The following ZFAND5 variants were observed in gnomAD, a reference collection of about 807,000 sequenced individuals.
ZFAND5 encodes zinc finger AN1-type containing 5, also known as AN1-type zinc finger protein 5.
Under a neutral mutation model 23.6 loss-of-function variants are expected in ZFAND5, and 4 were observed. That is an observed-to-expected ratio of 0.17 (90% CI 0.08 to 0.39). ZFAND5 has a LOEUF of 0.39. Among genes scored for constraint, ZFAND5 ranks in the 10% least tolerant of loss-of-function variants. The pLI is 1.00. For missense variants in ZFAND5, 161 were observed against 253.7 expected (o/e 0.63, Z 2.48); for synonymous variants, 68 against 80.6 (o/e 0.84, Z 0.84).
intron 6 of ZFAND5, 107 bp from the exon 7 acceptor site, chr9:72,356,208 T>C: frequency 7.4e-7 from 1 of 1,349,050 alleles, no homozygotes; most frequent in Non-Finnish European, 1.0e-6. Context: ...CTTTGTAACA[T>C]AAAAGACAGT....
chr9:72,352,554 CTAT>C lies in ZFAND5; in HGVS notation c.*3396_*3398del, dbSNP rs1436619434. ...CAATAATAGTATGCTTAACATCTTG[CTAT>C]TATTAGATTATTTCCCCAATTTTAG... On this transcript the variant is annotated 3_prime_UTR_variant, in exon 7 of 7. Transcript: ENST00000376962. 5 of 152,122 alleles carry C rather than the reference CTAT, an allele frequency of 3.3e-5. No individual in the cohort carries two copies. The highest frequency in any genetic ancestry group is 6.5e-5 in the Admixed American group (1 of 15,282). The allele number at this position is 152,122 out of a possible 1,614,324, so 9.4% of individuals were successfully genotyped here. A position where few individuals can be genotyped will look rare whatever the true frequency, so the allele number is the denominator to read the frequency against.
intron 1 of ZFAND5, 139 bp downstream of exon 1, chr9:72,364,557 G>T (rs1842207854): frequency 1.4e-5 from 18 of 1,270,852 alleles, no homozygotes; most frequent in Non-Finnish European, 1.7e-5. Context: ...GCTGGCGGGC[G>T]GGCTCCCCTC....
chr9:72,356,714 G>A (rs1487317964), intron 6 of ZFAND5, among the ~76,000 whole-genome samples: 2 of 151,948 alleles, frequency 1.3e-5, no homozygotes, highest in African/African-American at 4.8e-5. Context: ...AAAATAAGAG[G>A]GCCTGAGTTA....
intron 1 of ZFAND5, 145 bp downstream of exon 1, chr9:72,364,551 G>C (rs1415882914): frequency 3.9e-6 from 5 of 1,273,534 alleles, no homozygotes; most frequent in Non-Finnish European, 5.1e-6. Flanking sequence ...TCCTGGGCTG[G>C]CGGGCGGGCT....
intron 2 of ZFAND5, among the ~76,000 whole-genome samples, chr9:72,362,653 ATAAC>A (rs1160263221): frequency 6.6e-6 from 1 of 152,224 alleles, no homozygotes; most frequent in Non-Finnish European, 1.5e-5. Context: ...TTCATTATAA[ATAAC>A]TTTCAACTGC....
intron 5 of ZFAND5, 41 bp downstream of exon 5, chr9:72,359,377 A>AT (rs772670509): frequency 6.3e-7 from 1 of 1,596,620 alleles, no homozygotes; most frequent in East Asian, 2.2e-5. Context: ...TTCTTGCACT[A>AT]TCAAATTCAG....
chr9:72,364,417 G>A (rs2859765), intron 1 of ZFAND5: 2 of 1,251,736 alleles, frequency 1.6e-6, no homozygotes, highest in African/African-American at 1.6e-5. Context: ...GAGCGGCCTA[G>A]AGGCCGGCCC....
Position 72,352,299 on chromosome 9 carries a change from CCT to C in ZFAND5, c.*3652_*3653del, listed in dbSNP as rs1841794535. The C allele has an allele frequency of 1.3e-5, 2 of 152,194 alleles. No individual in the cohort carries two copies. Among genetic ancestry groups the C allele is most frequent in the African/African-American group, 4.8e-5 (2 of 41,532 alleles). 9.4% of individuals were successfully genotyped at this position (152,194 alleles called of 1,614,324 possible). A position where few individuals can be genotyped will look rare whatever the true frequency, so the allele number is the denominator to read the frequency against. ...TTTTACTCCAGCCTGGGCGACGGAG[CCT>C]CTGTCTCAAACAAACAAAACAAAAC... On this transcript the variant is annotated 3_prime_UTR_variant, in exon 7 of 7. Coordinates refer to ENST00000376962, the MANE Select transcript of ZFAND5 (RefSeq NM_001102420.3).
chr9:72,360,213 T>C lies in ZFAND5; in HGVS notation c.160A>G (p.Ser54Gly). 6.2e-7 allele frequency: 1 copy of C among 1,610,356 alleles called. No individual in the cohort carries two copies. The highest frequency in any genetic ancestry group is 8.5e-7 in the Non-Finnish European group (1 of 1,178,438). The change falls in exon 4 of 7, where the codon AGT (serine) becomes GGT (glycine). Residue 54 changes from serine (S) to glycine (G), a missense_variant. Transcript: ENST00000376962. ...TCTGAGGTAGGACTGTTGGAACCAC[T>C]AGCTGTTCCTATTTAAAAAAAGGAT... ...SGRMSPMGTA[S>G]GSNSPTSDSA...
Position 72,357,049 on chromosome 9 carries a change from A to G in ZFAND5, c.375T>C (p.Thr125=). 6.2e-7 allele frequency: 1 copy of G among 1,612,146 alleles called. No individual in the cohort carries two copies. The highest frequency in any genetic ancestry group is 1.7e-5 in the Admixed American group (1 of 59,698). The change falls in exon 6 of 7, where the codon ACT becomes ACC. Residue 125 remains threonine, a synonymous_variant. Coordinates refer to ENST00000376962, the MANE Select transcript of ZFAND5 (RefSeq NM_001102420.3). ...PKTEVSEPVV[T]QPSPSVSQPS... ...GCTGAGAAACTGATGGACTGGGCTG[A>G]GTGACAACTGAAAAGGACAAAAACA...
Position 72,365,050 on chromosome 9 carries a change from G to A in ZFAND5, c.-501C>T, listed in dbSNP as rs2859766. ...CACAGGCCGCAGGTTGGGCGGACGA[G>A]GAGGGCGAGCGGACCGCGCGCCGCG... On this transcript the variant is annotated 5_prime_UTR_variant, in exon 1 of 7. Transcript: ENST00000376962. The A allele has an allele frequency of 0.52, 79,090 of 152,042 alleles. 20,604 individuals carry two copies. The highest frequency in any genetic ancestry group is 0.57 in the African/African-American group (23,471 of 41,478). 9.4% of individuals were successfully genotyped at this position (152,042 alleles called of 1,614,324 possible).
chr9:72,364,038 A>C (rs1030442675), intron 1 of ZFAND5: 4 of 152,834 alleles, frequency 2.6e-5, no homozygotes, highest in African/African-American at 9.7e-5. Context: ...TCTCAGGATA[A>C]AAACGCAGCG....
rs1271111098 is a variant in ZFAND5, at chr9:72,354,491, A to G, written c.*1462T>C. ...TGTACATGGCTTTTATTATTTACAT[A>G]ATACAATATAGCATCAATGCTGAAT... On this transcript the variant is annotated 3_prime_UTR_variant, in exon 7 of 7. Coordinates refer to ENST00000376962, the MANE Select transcript of ZFAND5 (RefSeq NM_001102420.3). 6.5e-6 allele frequency: 1 copy of G among 152,682 alleles called. No homozygotes were observed. Among genetic ancestry groups the G allele is most frequent in the Non-Finnish European group, 1.5e-5 (1 of 68,048 alleles). The allele number at this position is 152,682 out of a possible 1,614,324, so 9.5% of individuals were successfully genotyped here.
At position 72,359,460 on chromosome 9, in the gene ZFAND5, C is replaced by T; in HGVS notation, c.325G>A (p.Glu109Lys). Reference protein sequence around the residue: ...QQMTEMSISREDKITTPKTEV... With the variant: ...QQMTEMSISRKDKITTPKTEV... ...GTTTTCGGGGTAGTTATTTTGTCCT[C>T]TCTTGAAATGCTCATTTCTGTCATT... is the stretch of plus-strand genomic sequence containing the variant. Residue 109 changes from glutamate to lysine, a missense_variant, in exon 5 of 7, where the codon GAG becomes AAG. Physicochemically the swap from Glu to Lys is moderately conservative, Grantham distance 56. Transcript: ENST00000376962. The T allele has an allele frequency of 6.2e-7, 1 of 1,613,672 alleles. No homozygotes were observed. The highest frequency in any genetic ancestry group is 8.5e-7 in the Non-Finnish European group (1 of 1,179,716).
intron 5 of ZFAND5, 27 bp from the exon 6 acceptor site, chr9:72,357,083 T>C: frequency 6.2e-7 from 1 of 1,602,770 alleles, no homozygotes. Context: ...CACAAATTTG[T>C]CAAGCATTCA....
At position 72,360,059 on chromosome 9, in the gene ZFAND5, C is replaced by T. The variant is rs768614886; in HGVS notation, c.263+51G>A. 3 of 1,503,440 alleles carry T rather than the reference C, an allele frequency of 2.0e-6. No individual in the cohort carries two copies. In the Admixed American group the frequency reaches 5.4e-5, roughly 27 times the overall value. 93.1% of individuals were successfully genotyped at this position (1,503,440 alleles called of 1,614,324 possible). On this transcript the variant is annotated intron_variant, in intron 4 of 6. Transcript: ENST00000376962. ...CTTATTATTGGACCAGTACAGACAT[C>T]TTGATTTCTTCTTTGTAATATCATA...
Position 72,365,089 on chromosome 9 carries a change from T to C in ZFAND5, c.-540A>G, listed in dbSNP as rs534949391. The C allele has an allele frequency of 1.6e-3, 247 of 152,320 alleles. 3 individuals carry two copies. Among genetic ancestry groups the C allele is most frequent in the Non-Finnish European group, 2.4e-3 (163 of 68,080 alleles). The allele number at this position is 152,320 out of a possible 1,614,324, so 9.4% of individuals were successfully genotyped here. A position where few individuals can be genotyped will look rare whatever the true frequency, so the allele number is the denominator to read the frequency against. Reference sequence around the variant, plus strand: ...CCGCGCGCCGCGAGGCCTGGGGCCGTAAGGGCCCGCTGATGGCGCTCTTCG... The same window carrying C: ...CCGCGCGCCGCGAGGCCTGGGGCCGCAAGGGCCCGCTGATGGCGCTCTTCG... On this transcript the variant is annotated 5_prime_UTR_variant, in exon 1 of 7. Coordinates refer to ENST00000376962, the MANE Select transcript of ZFAND5 (RefSeq NM_001102420.3).
Position 72,356,823 on chromosome 9 carries a change from CTTTT to C in ZFAND5, c.493+104_493+107del, listed in dbSNP as rs34407229. 8.2e-3 allele frequency: 9,069 copies of C among 1,103,160 alleles called. 38 individuals are homozygous for C. Among genetic ancestry groups the C allele is most frequent in the South Asian group, 0.063 (2,616 of 41,466 alleles). The allele number at this position is 1,103,160 out of a possible 1,614,324, so 68.3% of individuals were successfully genotyped here. ...CTTTCCTAGACTACAGCTAGTCAGG[CTTTT>C]TTTTTTTTTTTATGTGTAAGACCAA... On this transcript the variant is annotated intron_variant, in intron 6 of 6. Transcript: ENST00000376962.
At chr9:72,362,167 T>C (rs1432495968) in intron 2 of ZFAND5, among the ~76,000 whole-genome samples, 5 of 152,228 alleles carry the variant, frequency 3.3e-5, no homozygotes, top group Admixed American at 6.5e-5. Context: ...ACAGTATTAA[T>C]TTAGTTGACA....
Sources: allele counts gnomAD v4.1 joint callset (sites outside exome capture counted in the v4.1 genomes callset), GRCh38; gene constraint gnomAD v4.1.1; transcripts MANE v1.5; gene names NCBI Gene and HGNC (gene_info 2026-07-23, HGNC 2026-07-21).